Variants in NPAS4 observed in about 807,000 individuals in gnomAD.
NPAS4 encodes the protein neuronal PAS domain-containing protein 4.
A neutral mutation model predicts 64.0 loss-of-function variants in NPAS4; 10 were observed. That is an observed-to-expected ratio of 0.16 (90% CI 0.10 to 0.26). The LOEUF (loss-of-function observed/expected upper bound fraction) is 0.26. Among genes scored for constraint, NPAS4 ranks in the 10% least tolerant of loss-of-function variants. NPAS4 has a pLI of 1.00. For missense variants in NPAS4, 886 were observed against 992.6 expected (o/e 0.89, Z 1.44); for synonymous variants, 441 against 411.7 (o/e 1.07, Z -0.86).
At chr11:66,411,910 G>A in the NPAS4 span, among the ~76,000 whole-genome samples, 2 of 152,214 alleles carry the variant, frequency 1.3e-5, no homozygotes, top group East Asian at 3.8e-4. Flanking sequence ...CCCAGGGCCT[G>A]TGAGAGTAAT....
upstream of NPAS4, chr11:66,420,990 C>G (rs529314841): frequency 5.3e-6 from 3 of 566,138 alleles, no homozygotes; most frequent in East Asian, 8.7e-5. Context: ...ACGAGCCCCC[C>G]ACGCCTGGCA....
In NPAS4 at chr11:66,423,132, C is replaced by T. The variant is rs1856775918; in HGVS notation, c.708C>T (p.Ile236=). ...ALLDISESVL[I]YLGFERSELL... is the part of the protein sequence containing the mutation. ...CTTTCCACCTTCCCAGTGTCCTAAT[C>T]TACCTGGGCTTTGAGCGCAGTGAAC... Residue 236 remains isoleucine (I), a synonymous_variant, in exon 5 of 8, where the codon ATC becomes ATT. Transcript: ENST00000311034. 6.2e-7 allele frequency: 1 copy of T among 1,606,466 alleles called. No homozygotes were observed.
In NPAS4 at chr11:66,423,491, C is replaced by T. The variant is rs962307912; in HGVS notation, c.809-87C>T. On this transcript the variant is annotated intron_variant, in intron 5 of 7. Transcript: ENST00000311034. ...TCAGAAGAGAGGATGTCACGGCTAT[C>T]TCAATTCAGTGGAGAGGTGACCAAG... 4.0e-6 allele frequency: 6 copies of T among 1,507,500 alleles called. No individual in the cohort carries two copies. The South Asian group carries it at 7.1e-5, about 18-fold the overall frequency. The allele number at this position is 1,507,500 out of a possible 1,614,324, so 93.4% of individuals were successfully genotyped here.
Position 66,423,465 on chromosome 11 carries a change from G to A in NPAS4, c.809-113G>A, listed in dbSNP as rs1421728205. 2.3e-6 allele frequency: 3 copies of A among 1,300,742 alleles called. No homozygotes were observed. In the African/African-American group the frequency reaches 4.3e-5, roughly 19 times the overall value. The allele number at this position is 1,300,742 out of a possible 1,614,324, so 80.6% of individuals were successfully genotyped here. A position where few individuals can be genotyped will look rare whatever the true frequency, so the allele number is the denominator to read the frequency against. ...GAGCTGAGTGGTTCAGGTGAGGGTA[G>A]TCAGAAGAGAGGATGTCACGGCTAT... On this transcript the variant is annotated intron_variant, in intron 5 of 7. Transcript: ENST00000311034.
rs763622376 is a variant in NPAS4, at chr11:66,424,552, C to G, written c.1662C>G (p.Ser554Arg). The G allele has an allele frequency of 6.2e-7, 1 of 1,614,170 alleles. No homozygotes were observed. Among genetic ancestry groups the G allele is most frequent in the South Asian group, 1.1e-5 (1 of 91,086 alleles). The change falls in exon 7 of 8, where the codon AGC becomes AGG. Residue 554 changes from serine (S) to arginine (R), a missense_variant. Physicochemically the swap from Ser to Arg is moderately radical, Grantham distance 110. Around this residue, in one of 3 missense-constraint regions of NPAS4, gnomAD observed 820 missense variants for 855.5 expected, o/e 0.96. Coordinates refer to ENST00000311034, the MANE Select transcript of NPAS4 (RefSeq NM_178864.4). ...SPSQTFPEQLSPNPTKTYFAQ... is the reference protein window; with the variant it reads ...SPSQTFPEQLRPNPTKTYFAQ... ...GCCAAACCTTCCCAGAGCAACTGAG[C>G]CCCAACCCTACCAAGACTTACTTTG...
chr11:66,426,064 G>A lies in NPAS4; in HGVS notation c.*75G>A. 9.2e-7 allele frequency: 1 copy of A among 1,088,012 alleles called. No homozygotes were observed. Among genetic ancestry groups the A allele is most frequent in the Non-Finnish European group, 1.4e-6 (1 of 709,512 alleles). 67.4% of individuals were successfully genotyped at this position (1,088,012 alleles called of 1,614,324 possible). On this transcript the variant is annotated 3_prime_UTR_variant, in exon 8 of 8. Transcript: ENST00000311034. ...GTGGAGCCGCTCTCCACCCCCCCGG[G>A]ACTGTTGGGGGGATTCTGAGGGCCA...
chr11:66,420,987 C>A, upstream of NPAS4: 1 of 564,064 alleles, frequency 1.8e-6, no homozygotes, highest in South Asian at 2.3e-5. Context: ...AAAACGAGCC[C>A]CCCACGCCTG....
the NPAS4 span, among the ~76,000 whole-genome samples, chr11:66,414,468 C>A: frequency 6.6e-6 from 1 of 152,126 alleles, no homozygotes; most frequent in Admixed American, 6.5e-5. Context: ...CCCTCTCCCA[C>A]CCCCTCCATG....
chr11:66,422,001 T>C, intron 1 of NPAS4, 119 bp from the exon 2 acceptor site: 1 of 879,156 alleles, frequency 1.1e-6, no homozygotes. Flanking sequence ...AACAGGTGTT[T>C]GCAGAGGCAG....
In NPAS4 at chr11:66,421,179, C is replaced by T; in HGVS notation, c.-1C>T. The T allele has an allele frequency of 6.2e-7, 1 of 1,604,382 alleles. No individual in the cohort carries two copies. Among genetic ancestry groups the T allele is most frequent in the South Asian group, 1.1e-5 (1 of 89,982 alleles). On this transcript the variant is annotated 5_prime_UTR_variant, in exon 1 of 8. Transcript: ENST00000311034. ...GAGCTGGAGCTCCGCAGCCGCCGGTCATGTACCGCTCCACCAAGGGCGCCT... is the reference window on the plus strand; with the variant it reads ...GAGCTGGAGCTCCGCAGCCGCCGGTTATGTACCGCTCCACCAAGGGCGCCT...
In NPAS4 at chr11:66,426,120, G is replaced by A; in HGVS notation, c.*131G>A. 1 of 441,378 alleles carries A rather than the reference G, an allele frequency of 2.3e-6. No individual in the cohort carries two copies. 27.3% of individuals were successfully genotyped at this position (441,378 alleles called of 1,614,324 possible). A position where few individuals can be genotyped will look rare whatever the true frequency, so the allele number is the denominator to read the frequency against. ...GGATATATATGATTCCCCAGGCCCT[G>A]CAGGATTTTGGGGGGGGGGAGGTGG... On this transcript the variant is annotated 3_prime_UTR_variant, in exon 8 of 8. Coordinates refer to ENST00000311034, the MANE Select transcript of NPAS4 (RefSeq NM_178864.4).
At chr11:66,418,010 A>T (rs117713283), upstream of NPAS4, among the ~76,000 whole-genome samples, 225 of 148,082 alleles carry the variant, frequency 1.5e-3, 5 homozygotes, top group East Asian at 0.039. Context: ...AAACACACAG[A>T]CACACACACA....
At chr11:66,422,990 A>G (rs758289990) in intron 4 of NPAS4, 49 bp downstream of exon 4, 1 of 1,585,556 alleles carries the variant, frequency 6.3e-7, no homozygotes, top group South Asian at 1.1e-5. Flanking sequence ...CCAGAGATGA[A>G]GGGACCCTAG....
Position 66,421,116 on chromosome 11 carries a change from C to T in NPAS4, c.-64C>T, listed in dbSNP as rs960133386. On this transcript the variant is annotated 5_prime_UTR_variant, in exon 1 of 8. Coordinates refer to ENST00000311034, the MANE Select transcript of NPAS4 (RefSeq NM_178864.4). ...GGGGAAGCACGGAGGAGGAAGCCGC[C>T]GGTGCGTCGGGACGGGAGCGCAGGT... 5.0e-6 allele frequency: 7 copies of T among 1,410,870 alleles called. No homozygotes were observed. Among genetic ancestry groups the T allele is most frequent in the African/African-American group, 1.4e-5 (1 of 70,080 alleles). The allele number at this position is 1,410,870 out of a possible 1,614,324, so 87.4% of individuals were successfully genotyped here. A position where few individuals can be genotyped will look rare whatever the true frequency, so the allele number is the denominator to read the frequency against.
chr11:66,423,216 T>C lies in NPAS4; in HGVS notation c.792T>C (p.Ala264=). 1 of 1,605,738 alleles carries C rather than the reference T, an allele frequency of 6.2e-7. No individual in the cohort carries two copies. The highest frequency in any genetic ancestry group is 2.2e-5 in the East Asian group (1 of 44,828). Residue 264 remains alanine (A), a synonymous_variant, in exon 5 of 8, where the codon GCT becomes GCC. Transcript: ENST00000311034. ...LHPEDLAHAS[A]QHYRLLAESG... ...CCGAGGACCTGGCCCACGCTTCTGC[T>C]CAACACTACCGCCTGTGTGAGTGTC...
Position 66,424,150 on chromosome 11 carries a change from T to C in NPAS4, c.1260T>C (p.Leu420=), listed in dbSNP as rs1250458096. Residue 420 remains leucine (L), a synonymous_variant, in exon 7 of 8, where the codon CTT becomes CTC. Transcript: ENST00000311034. ...TCCAAGCAGAACTAAGCAAGGATCT[T>C]GTGTGCACTCCACCTTACACGCCCC... ...PSLQAELSKD[L]VCTPPYTPHQ... 5.0e-6 allele frequency: 8 copies of C among 1,613,954 alleles called. No individual in the cohort carries two copies. In the African/African-American group the frequency reaches 6.7e-5, roughly 13 times the overall value.
chr11:66,423,845 G>A lies in NPAS4; in HGVS notation c.955G>A (p.Ala319Thr), dbSNP rs758872170. ...TTCTCTCCTCTCCAGTGACATGGAA[G>A]CCTGGAGCCTCCGCCAGCAGTTGAA... ...ANNYPISDME[A>T]WSLRQQLNSE... is the part of the protein sequence containing the mutation. Residue 319 changes from alanine to threonine, a missense_variant, in exon 7 of 8, where the codon GCC (alanine) becomes ACC (threonine). Physicochemically the swap from Ala to Thr is moderately conservative, Grantham distance 58. Transcript: ENST00000311034. 3 of 1,609,140 alleles carry A rather than the reference G, an allele frequency of 1.9e-6. No individual in the cohort carries two copies. The highest frequency in any genetic ancestry group is 2.2e-5 in the South Asian group (2 of 90,392).
the NPAS4 span, among the ~76,000 whole-genome samples, chr11:66,412,095 T>G: frequency 6.6e-6 from 1 of 152,006 alleles, no homozygotes; most frequent in South Asian, 2.1e-4. Flanking sequence ...TATCTGTTGG[T>G]GGAAGGGGAA....
Position 66,424,144 on chromosome 11 carries a change from G to A in NPAS4, c.1254G>A (p.Lys418=), listed in dbSNP as rs761073329. The part of the protein sequence containing the change: ...PEPSLQAELS[K]DLVCTPPYTP... ...CTTCTCTCCAAGCAGAACTAAGCAA[G>A]GATCTTGTGTGCACTCCACCTTACA... The change falls in exon 7 of 8, where the codon AAG becomes AAA. Residue 418 remains lysine (K), a synonymous_variant. Transcript: ENST00000311034. The A allele has an allele frequency of 6.2e-7, 1 of 1,614,046 alleles. No homozygotes were observed. Among genetic ancestry groups the A allele is most frequent in the Admixed American group, 1.7e-5 (1 of 60,018 alleles).
Sources: gnomAD v4.1 joint callset for allele counts (sites outside exome capture counted in the v4.1 genomes callset) on GRCh38, gnomAD v4.1.1 for gene constraint, gnomAD v4.1.1 regional missense constraint, MANE v1.5 for transcripts, NCBI Gene and HGNC (gene_info 2026-07-23, HGNC 2026-07-21) for gene names.